Variants in MCC observed in about 807,000 individuals in gnomAD.
MCC encodes MCC regulator of Wnt signaling pathway, also known as colorectal mutant cancer protein.
Under a neutral mutation model 116.2 loss-of-function variants are expected in MCC, and 90 were observed. That is an observed-to-expected ratio of 0.77 (90% CI 0.65 to 0.92). The LOEUF (loss-of-function observed/expected upper bound fraction) is 0.92. Ranked by LOEUF, MCC falls within the 40% of genes least tolerant of loss-of-function variation. MCC has a pLI of 0.00. For synonymous variants in MCC, 578 were observed against 510.5 expected (o/e 1.13, Z -1.78); for missense variants, 1,516 against 1,312.2 (o/e 1.16, Z -2.40).
chr5:113,153,206 G>A (rs1289557371), intron 3 of MCC, among the ~76,000 whole-genome samples: 1 of 152,194 alleles, frequency 6.6e-6, no homozygotes, highest in Non-Finnish European at 1.5e-5. Context: ...TGTTCTTGAA[G>A]AAATTGAGGA....
At chr5:113,062,167 G>A (rs1260587153) in intron 14 of MCC, among the ~76,000 whole-genome samples, 1 of 152,184 alleles carries the variant, frequency 6.6e-6, no homozygotes, top group South Asian at 2.1e-4. Context: ...AGATCCATTT[G>A]AGACTGAAAT....
chr5:113,285,125 T>C (rs751374774), intron 3 of MCC, among the ~76,000 whole-genome samples: 6 of 152,224 alleles, frequency 3.9e-5, no homozygotes, highest in Non-Finnish European at 8.8e-5. Flanking sequence ...TGTATTTTTA[T>C]GGTACATAAT....
chr5:113,125,884 G>A (rs1199685969), intron 5 of MCC, among the ~76,000 whole-genome samples: 1 of 152,040 alleles, frequency 6.6e-6, no homozygotes, highest in African/African-American at 2.4e-5. Context: ...GGGAAAAAAT[G>A]CCTCCCAAAA....
chr5:113,408,230 C>A (rs1422498500), intron 1 of MCC, among the ~76,000 whole-genome samples: 1 of 152,168 alleles, frequency 6.6e-6, no homozygotes, highest in Non-Finnish European at 1.5e-5. Flanking sequence ...GGAAGGCAAA[C>A]TTCTGGAGCA....
At chr5:113,053,305 A>G (rs6594669) in intron 15 of MCC, among the ~76,000 whole-genome samples, 72,715 of 152,078 alleles carry the variant, frequency 0.48, 18,523 homozygotes, top group East Asian at 0.64. Context: ...GTGTCAGGAA[A>G]CTAGGGCTCT....
Position 113,343,113 on chromosome 5 carries a change from A to G in MCC, c.416-2383T>C, listed in dbSNP as rs548455951. Among the ~76,000 whole-genome samples, 31 of 152,358 alleles carry G rather than the reference A, an allele frequency of 2.0e-4. 1 individual carries two copies. The South Asian group carries it at 6.4e-3, about 32-fold the overall frequency. ...ACATACAGCAAACTGCAGTTTGTGT[A>G]CAGTGAGTTCTGATATGAATGTCCA... On this transcript the variant is annotated intron_variant, in intron 2 of 18. Transcript: ENST00000408903.
intron 3 of MCC, among the ~76,000 whole-genome samples, chr5:113,321,891 G>A (rs1428468329): frequency 6.6e-6 from 1 of 152,092 alleles, no homozygotes; most frequent in Non-Finnish European, 1.5e-5. Context: ...GAGTGCAATG[G>A]TGCCATCTTG....
chr5:113,082,687 G>A (rs988076443), intron 11 of MCC, among the ~76,000 whole-genome samples, 173 bp downstream of exon 11: 1 of 152,198 alleles, frequency 6.6e-6, no homozygotes, highest in South Asian at 2.1e-4. Context: ...AGCTCAGACT[G>A]CTGTGAGCAC....
chr5:113,076,089 C>G (rs968609935), intron 11 of MCC, among the ~76,000 whole-genome samples: 6 of 152,244 alleles, frequency 3.9e-5, no homozygotes, highest in Non-Finnish European at 8.8e-5. Context: ...ACACTCACTG[C>G]GAGGGTCCAC....
intron 3 of MCC, among the ~76,000 whole-genome samples, chr5:113,267,611 A>T (rs899304711): frequency 1.3e-5 from 2 of 152,230 alleles, no homozygotes; most frequent in African/African-American, 4.8e-5. Flanking sequence ...CTACAGCATG[A>T]TGAGCCATGA....
In MCC at chr5:113,434,949, G is replaced by A. The variant is rs868278575; in HGVS notation, c.171-49737C>T. The A allele has an allele frequency of 8.0e-6, 11 of 1,383,454 alleles. No individual in the cohort carries two copies. In the African/African-American group the frequency reaches 1.3e-4, roughly 16 times the overall value. 85.7% of individuals were successfully genotyped at this position (1,383,454 alleles called of 1,614,324 possible). ...GATAGAGAGTCCTTTGGGCTGGCCAGGCCTGCTGTTCCTGCCTCCTAGAGG... is the reference window on the plus strand; with the variant it reads ...GATAGAGAGTCCTTTGGGCTGGCCAAGCCTGCTGTTCCTGCCTCCTAGAGG... On this transcript the variant is annotated intron_variant, in intron 1 of 18. Transcript: ENST00000408903. This position sits in a 1 kb window ranked among gnomAD's most constrained non-coding sequence, Gnocchi z 4.2.
chr5:113,340,210 G>A (rs1431567064), intron 3 of MCC, among the ~76,000 whole-genome samples: 2 of 152,216 alleles, frequency 1.3e-5, no homozygotes, highest in Non-Finnish European at 2.9e-5. Context: ...AATTTGTAAT[G>A]TCTAGAACCA....
At chr5:113,467,155 G>A (rs62371901) in intron 1 of MCC, among the ~76,000 whole-genome samples, 2 of 151,142 alleles carry the variant, frequency 1.3e-5, no homozygotes, top group Non-Finnish European at 3.0e-5. Context: ...TCTGATGGTA[G>A]TTTCTTTTGC....
chr5:113,445,014 G>C (rs1771168460), intron 1 of MCC, among the ~76,000 whole-genome samples: 1 of 152,156 alleles, frequency 6.6e-6, no homozygotes, highest in African/African-American at 2.4e-5. Flanking sequence ...ACACAATGCA[G>C]TCTCTTAAAA....
intron 2 of MCC, among the ~76,000 whole-genome samples, chr5:113,365,330 A>G (rs1200763940): frequency 7.9e-5 from 12 of 152,190 alleles, no homozygotes; most frequent in Admixed American, 6.5e-5. Flanking sequence ...CAGAAGCACA[A>G]TGCAGCCAGG....
chr5:113,286,961 A>G (rs1766286241), intron 3 of MCC, among the ~76,000 whole-genome samples: 1 of 152,234 alleles, frequency 6.6e-6, no homozygotes, highest in Non-Finnish European at 1.5e-5. Flanking sequence ...TAGTTCCAGT[A>G]AATATTTACT....
intron 3 of MCC, among the ~76,000 whole-genome samples, chr5:113,208,298 C>T (rs1262058164): frequency 6.6e-6 from 1 of 152,130 alleles, no homozygotes; most frequent in Admixed American, 6.5e-5. Flanking sequence ...TTACATGGCA[C>T]ACTTTGTGAG....
chr5:113,240,218 C>T (rs12186466), intron 3 of MCC, among the ~76,000 whole-genome samples: 16,411 of 151,958 alleles, frequency 0.11, 1,382 homozygotes, highest in Admixed American at 0.25. Flanking sequence ...GTAGTTGGCC[C>T]GGTGTTGAAA....
At chr5:113,267,626 A>G (rs1765468868) in intron 3 of MCC, among the ~76,000 whole-genome samples, 1 of 152,222 alleles carries the variant, frequency 6.6e-6, no homozygotes, top group Non-Finnish European at 1.5e-5. Flanking sequence ...CCATGAAAAC[A>G]TGCCAAGTGA....
Sources: gnomAD v4.1 joint callset for allele counts (sites outside exome capture counted in the v4.1 genomes callset) on GRCh38, gnomAD v4.1.1 for gene constraint, Gnocchi (gnomAD v3.1) non-coding constraint, MANE v1.5 for transcripts, NCBI Gene and HGNC (gene_info 2026-07-23, HGNC 2026-07-21) for gene names.